Variants in JAKMIP3 observed in about 807,000 individuals in gnomAD.
The protein encoded by JAKMIP3 is Janus kinase and microtubule interacting protein 3.
JAKMIP3 carries 58 observed loss-of-function variants against 118.5 expected under a neutral mutation model. That is an observed-to-expected ratio of 0.49 (90% confidence interval 0.40 to 0.61). The LOEUF (loss-of-function observed/expected upper bound fraction) is 0.61, where lower values mean the gene tolerates loss of function less well. Ranked by LOEUF, JAKMIP3 falls within the 20% of genes least tolerant of loss-of-function variation. The pLI is 0.00. For synonymous variants in JAKMIP3, 486 were observed against 451.2 expected (o/e 1.08, Z -0.98); for missense variants, 950 against 1,109.0 (o/e 0.86, Z 2.04).
At chr10:132,050,254 G>A (rs984677151) in intron 1 of JAKMIP3, among the ~76,000 whole-genome samples, 13 of 152,130 alleles carry the variant, frequency 8.5e-5, no homozygotes, top group Non-Finnish European at 1.2e-4. Context: ...AGATCCTCGC[G>A]CTGCCCGTTA....
At chr10:132,107,242 T>C (rs1387561735) in intron 2 of JAKMIP3, among the ~76,000 whole-genome samples, 1 of 152,186 alleles carries the variant, frequency 6.6e-6, no homozygotes, top group Non-Finnish European at 1.5e-5. Context: ...ATCCCCAGGT[T>C]TAGTCCCCAG....
At chr10:132,055,140 C>G (rs2038204697) in intron 1 of JAKMIP3, among the ~76,000 whole-genome samples, 1 of 152,152 alleles carries the variant, frequency 6.6e-6, no homozygotes, top group Non-Finnish European at 1.5e-5. Context: ...AGCAGTGATT[C>G]TAAAGTTGGA....
chr10:132,162,858 A>G (rs1025507595), intron 19 of JAKMIP3, among the ~76,000 whole-genome samples: 14 of 151,574 alleles, frequency 9.2e-5, no homozygotes, highest in African/African-American at 3.4e-4. Context: ...GCAGCGTGTG[A>G]CCCCACACTC....
At chr10:132,114,449 T>C (rs2047330854) in intron 2 of JAKMIP3, among the ~76,000 whole-genome samples, 1 of 152,198 alleles carries the variant, frequency 6.6e-6, no homozygotes, top group African/African-American at 2.4e-5. Context: ...GGTCTTGAAC[T>C]CCTCAAGCCA....
chr10:132,182,673 G>A lies in JAKMIP3; in HGVS notation c.*1420G>A, dbSNP rs1045564373. 1 of 152,194 alleles carries A rather than the reference G, an allele frequency of 6.6e-6. No individual in the cohort carries two copies. The highest frequency in any genetic ancestry group is 2.4e-5 in the African/African-American group (1 of 41,426). The allele number at this position is 152,194 out of a possible 1,614,324, so 9.4% of individuals were successfully genotyped here. On this transcript the variant is annotated 3_prime_UTR_variant, in exon 24 of 24. Transcript: ENST00000684848. Reference sequence around the variant, plus strand: ...TTGAGGCAGCCAGCTGTGCAGCCAGGTGTGACTGTTACTGGCAGCATTGTA... The same window carrying A: ...TTGAGGCAGCCAGCTGTGCAGCCAGATGTGACTGTTACTGGCAGCATTGTA...
chr10:132,165,306 GA>G (rs1354276128), intron 21 of JAKMIP3, among the ~76,000 whole-genome samples: 5 of 152,166 alleles, frequency 3.3e-5, no homozygotes, highest in Admixed American at 2.6e-4. Flanking sequence ...AAGTCAGGAT[GA>G]GGGGAGCACA....
At chr10:132,075,084 G>A (rs2040567419) in intron 1 of JAKMIP3, among the ~76,000 whole-genome samples, 1 of 152,142 alleles carries the variant, frequency 6.6e-6, no homozygotes, top group East Asian at 1.9e-4. Flanking sequence ...CTATAACTTT[G>A]TAGTATAATT....
At chr10:132,167,183 C>T in intron 22 of JAKMIP3, 128 bp downstream of exon 22, 1 of 694,954 alleles carries the variant, frequency 1.4e-6, no homozygotes, top group Non-Finnish European at 2.5e-6. Flanking sequence ...ACCCAGCATC[C>T]CCAAAAGGGT....
intron 1 of JAKMIP3, among the ~76,000 whole-genome samples, chr10:132,080,399 A>G (rs2041572302): frequency 7.0e-6 from 1 of 143,866 alleles, no homozygotes; most frequent in African/African-American, 2.6e-5. Flanking sequence ...ACACCTTTTT[A>G]TGTGCTTATT....
At chr10:132,107,855 C>G (rs1589828792) in intron 2 of JAKMIP3, among the ~76,000 whole-genome samples, 1 of 152,158 alleles carries the variant, frequency 6.6e-6, no homozygotes, top group Admixed American at 6.5e-5. Context: ...CAAAAGAACT[C>G]CTGCAGGAGA....
At chr10:132,110,935 G>A (rs960279321) in intron 2 of JAKMIP3, among the ~76,000 whole-genome samples, 12 of 152,366 alleles carry the variant, frequency 7.9e-5, no homozygotes, top group South Asian at 2.1e-4. Context: ...TGTTTTTGTC[G>A]TGGACACGAA....
intron 2 of JAKMIP3, among the ~76,000 whole-genome samples, chr10:132,111,823 C>A (rs536622077): frequency 6.6e-6 from 1 of 152,278 alleles, no homozygotes; most frequent in Admixed American, 6.5e-5. Context: ...AACATACCCT[C>A]TGGCTGCTGT....
At chr10:132,148,609 C>T (rs940187542) in intron 14 of JAKMIP3, among the ~76,000 whole-genome samples, 2 of 152,234 alleles carry the variant, frequency 1.3e-5, no homozygotes, top group Admixed American at 6.5e-5. Flanking sequence ...GTTTCTTGCC[C>T]CTGAGTGAGG....
In JAKMIP3 at chr10:132,049,110, G is replaced by T. The variant is rs1232324699; in HGVS notation, c.-138+12372G>T. Among the ~76,000 whole-genome samples the T allele has an allele frequency of 1.3e-5, 2 of 152,136 alleles. No homozygotes were observed. Among genetic ancestry groups the T allele is most frequent in the Admixed American group, 6.5e-5 (1 of 15,272 alleles). On this transcript the variant is annotated intron_variant, in intron 1 of 23. Coordinates refer to the JAKMIP3 transcript ENST00000657785. The surrounding 1 kb of genome is among the most constrained non-coding windows in gnomAD (Gnocchi z 4.3). ...ATTGACCTTTTTGCCTGGAAGCCTT[G>T]AGGATTTTATCTTTAGCTCTGAAAT...
intron 1 of JAKMIP3, among the ~76,000 whole-genome samples, chr10:132,095,405 C>A (rs2043710928): frequency 6.6e-6 from 1 of 152,206 alleles, no homozygotes; most frequent in Non-Finnish European, 1.5e-5. Context: ...TTTCCCACTG[C>A]TTCCTCCGCC....
rs553133623 is a variant in JAKMIP3, at chr10:132,122,255, C to T, written c.633+4681C>T. Among the ~76,000 whole-genome samples the T allele has an allele frequency of 1.1e-4, 17 of 152,194 alleles. No homozygotes were observed. The East Asian group carries it at 2.9e-3, about 26-fold the overall frequency. On this transcript the variant is annotated intron_variant, in intron 3 of 23. Transcript: ENST00000684848. ...CCCCGGCTGTTGGGGCCCTGACTGCCCCCCGGTCGGCTCCCCGGCTGTTGG... is the reference window on the plus strand; with the variant it reads ...CCCCGGCTGTTGGGGCCCTGACTGCTCCCCGGTCGGCTCCCCGGCTGTTGG...
rs181778262 is a variant in JAKMIP3, at chr10:132,097,418, G to A, written c.-137-7254G>A. 3.9e-4 allele frequency among the ~76,000 whole-genome samples: 60 copies of A among 152,260 alleles called. 1 individual carries two copies. The highest frequency in any genetic ancestry group is 2.7e-3 in the East Asian group (14 of 5,170). ...GCTGTGGGTGCCCATGGTAACCTGC[G>A]TGGCCCTCCAAGCATCACACGGACT... On this transcript the variant is annotated intron_variant, in intron 1 of 23. Coordinates refer to ENST00000684848, the MANE Select transcript of JAKMIP3 (RefSeq NM_001323087.2).
At chr10:132,094,860 G>A (rs1262334424) in intron 1 of JAKMIP3, among the ~76,000 whole-genome samples, 3 of 152,098 alleles carry the variant, frequency 2.0e-5, no homozygotes, top group East Asian at 1.9e-4. Flanking sequence ...AGGTGGGGGC[G>A]GGGCCAGTGT....
At chr10:132,100,705 C>T (rs1009929108) in intron 1 of JAKMIP3, among the ~76,000 whole-genome samples, 4 of 152,260 alleles carry the variant, frequency 2.6e-5, no homozygotes, top group African/African-American at 7.2e-5. Context: ...TGTGATCATC[C>T]GAGGTGCGGA....
Sources: gnomAD v4.1 joint callset for allele counts (sites outside exome capture counted in the v4.1 genomes callset) on GRCh38, gnomAD v4.1.1 for gene constraint, Gnocchi (gnomAD v3.1) non-coding constraint, MANE v1.5 for transcripts, NCBI Gene and HGNC (gene_info 2026-07-23, HGNC 2026-07-21) for gene names.